TAF2: variants seen among roughly 807,000 people sequenced by gnomAD.
TAF2 encodes the protein TATA-box binding protein associated factor 2.
Under a neutral mutation model 138.5 loss-of-function variants are expected in TAF2, and 61 were observed. The observed-to-expected ratio is 0.44, with a 90% CI of 0.36 to 0.54. The LOEUF (loss-of-function observed/expected upper bound fraction) is 0.54. TAF2 is among the 20% of genes least tolerant of loss of function. TAF2 has a pLI of 0.00. For missense variants in TAF2, 1,090 were observed against 1,427.9 expected (o/e 0.76, Z 3.81); for synonymous variants, 475 against 469.9 (o/e 1.01, Z -0.14).
chr8:119,809,716 AG>A (rs1229506099), intron 3 of TAF2, among the ~76,000 whole-genome samples: 1 of 152,232 alleles, frequency 6.6e-6, no homozygotes, highest in Non-Finnish European at 1.5e-5. Flanking sequence ...GGACAGAGAC[AG>A]GGAACAGCTG....
At chr8:119,808,907 C>G (rs1029751377) in intron 3 of TAF2, among the ~76,000 whole-genome samples, 3 of 152,154 alleles carry the variant, frequency 2.0e-5, no homozygotes, top group African/African-American at 7.2e-5. Flanking sequence ...TTACAGAGAA[C>G]AGGAAGAATA....
At chr8:119,788,534 G>A (rs1207591863) in intron 13 of TAF2, 87 bp from the exon 14 acceptor site, 14 of 920,316 alleles carry the variant, frequency 1.5e-5, no homozygotes, top group East Asian at 7.5e-5. Flanking sequence ...TATAAATCAA[G>A]ATATAAAATA....
At position 119,744,392 on chromosome 8, in the gene TAF2, A is replaced by G; in HGVS notation, c.3110T>C (p.Phe1037Ser). ...CTCCTCCTCATCTTGAGAACTGGAAAACTAAAACACACACACATAAAACAG... is the reference window on the plus strand; with the variant it reads ...CTCCTCCTCATCTTGAGAACTGGAAGACTAAAACACACACACATAAAACAG... ...HPQLVGFQNPFSSSQDEEEID... is the reference protein window; with the variant it reads ...HPQLVGFQNPSSSSQDEEEID... Residue 1037 changes from phenylalanine to serine, a missense_variant and splice_region_variant, in exon 24 of 26, where the codon TTT becomes TCT. This residue lies in a region of TAF2 where 580 missense variants were observed against 719.6 expected (regional missense o/e 0.81). Transcript: ENST00000378164. The G allele has an allele frequency of 6.2e-7, 1 of 1,611,774 alleles. No individual in the cohort carries two copies. Among genetic ancestry groups the G allele is most frequent in the Non-Finnish European group, 8.5e-7 (1 of 1,178,512 alleles).
chr8:119,826,524 C>A (rs887069252), intron 2 of TAF2, among the ~76,000 whole-genome samples: 3 of 151,784 alleles, frequency 2.0e-5, no homozygotes, highest in African/African-American at 7.3e-5. Context: ...CACTTATGAC[C>A]AAGATTACTT....
intron 22 of TAF2, among the ~76,000 whole-genome samples, chr8:119,748,312 A>G (rs868782781): frequency 6.6e-6 from 1 of 151,966 alleles, no homozygotes; most frequent in Non-Finnish European, 1.5e-5. Context: ...ATATAAGTAA[A>G]TAAATTATCA....
chr8:119,795,566 A>C lies in TAF2; in HGVS notation c.1157T>G (p.Phe386Cys). ...YIYGLWMKKT[F>C]GVNEYRHWIK... is the part of the protein sequence containing the mutation. ...CCAATGGCGGTACTCATTAACACCA[A>C]AAGTTTTTTTCATCCAAAGTCCATA... Residue 386 changes from phenylalanine to cysteine, a missense_variant, in exon 9 of 26, where the codon TTT becomes TGT. Physicochemically the swap from Phe to Cys is radical, Grantham distance 205. Transcript: ENST00000378164. 1 of 1,613,820 alleles carries C rather than the reference A, an allele frequency of 6.2e-7. No homozygotes were observed. Among genetic ancestry groups the C allele is most frequent in the Non-Finnish European group, 8.5e-7 (1 of 1,179,806 alleles).
At position 119,791,414 on chromosome 8, in the gene TAF2, C is replaced by T. The variant is rs11996390; in HGVS notation, c.1323G>A (p.Leu441=). The T allele has an allele frequency of 0.22, 357,842 of 1,612,600 alleles. 41,821 individuals carry two copies. Among genetic ancestry groups the T allele is most frequent in the Middle Eastern group, 0.32 (1,939 of 6,048 alleles). Residue 441 remains leucine (L), a synonymous_variant, in exon 11 of 26, where the codon CTG becomes CTA. Coordinates refer to ENST00000378164, the MANE Select transcript of TAF2 (RefSeq NM_003184.4). ...LHFSIKHPHT[L]SWEYYSMFQC... ...GAAACATACTGTAGTATTCCCAGGA[C>T]AGTGTATGTGGATGCTTTATTGAAA...
chr8:119,795,478 T>C, intron 9 of TAF2, 54 bp downstream of exon 9: 1 of 1,455,758 alleles, frequency 6.9e-7, no homozygotes, highest in South Asian at 1.1e-5. Context: ...TTACAGTCAT[T>C]AAAAATGGAG....
rs912730016 is a variant in TAF2 at position 119,783,316 on chromosome 8, T to C, written c.2112+65A>G. 7.0e-6 allele frequency: 11 copies of C among 1,563,204 alleles called. No individual in the cohort carries two copies. The Admixed American group carries it at 1.1e-4, about 16-fold the overall frequency. ...AATTTAAAGACTAGGTGAATTTTAA[T>C]TCATTTTCAGAGATACAAAAAATAT... On this transcript the variant is annotated intron_variant, in intron 16 of 25. Transcript: ENST00000378164.
chr8:119,802,458 C>T (rs1824331367), intron 5 of TAF2, among the ~76,000 whole-genome samples: 2 of 152,040 alleles, frequency 1.3e-5, no homozygotes, highest in Non-Finnish European at 2.9e-5. Flanking sequence ...GAGTATGTAA[C>T]GTATTGTATA....
At chr8:119,826,959 A>G (rs1826141558) in intron 2 of TAF2, among the ~76,000 whole-genome samples, 1 of 152,040 alleles carries the variant, frequency 6.6e-6, no homozygotes, top group African/African-American at 2.4e-5. Flanking sequence ...TTGGAAAGCC[A>G]AAGTAGGGTG....
At chr8:119,733,026 G>A (rs959692888) in intron 25 of TAF2, among the ~76,000 whole-genome samples, 3 of 152,010 alleles carry the variant, frequency 2.0e-5, no homozygotes, top group African/African-American at 7.2e-5. Context: ...TGCAAAACCT[G>A]CATATAGATA....
intron 3 of TAF2, among the ~76,000 whole-genome samples, chr8:119,807,540 C>T (rs1824746012): frequency 6.6e-6 from 1 of 152,218 alleles, no homozygotes; most frequent in Admixed American, 6.5e-5. Flanking sequence ...CCTCGTTGTA[C>T]ACCTTTATGT....
At chr8:119,734,039 C>T (rs572022331) in intron 25 of TAF2, among the ~76,000 whole-genome samples, 139 of 152,248 alleles carry the variant, frequency 9.1e-4, no homozygotes, top group African/African-American at 3.2e-3. Context: ...TGACATCCTA[C>T]GAGTAGAGGC....
At chr8:119,795,746 G>T (rs1823780516) in intron 8 of TAF2, 115 bp from the exon 9 acceptor site, 23 of 976,162 alleles carry the variant, frequency 2.4e-5, no homozygotes, top group Admixed American at 4.1e-5. Context: ...TAAAGAAAAT[G>T]AAAATTATTA....
intron 25 of TAF2, among the ~76,000 whole-genome samples, chr8:119,741,451 G>A (rs1035534507): frequency 6.6e-6 from 1 of 152,052 alleles, no homozygotes; most frequent in African/African-American, 2.4e-5. Flanking sequence ...AAAAAATCAG[G>A]AAGGGCCAAG....
intron 18 of TAF2, among the ~76,000 whole-genome samples, chr8:119,774,480 T>C (rs1487403784): frequency 7.6e-5 from 1 of 13,164 alleles, no homozygotes; most frequent in Non-Finnish European, 1.6e-4. Flanking sequence ...ATATTGTGAT[T>C]TTTTTTTGCA....
chr8:119,761,990 C>A (rs1821096253), intron 19 of TAF2, among the ~76,000 whole-genome samples: 1 of 151,930 alleles, frequency 6.6e-6, no homozygotes. Flanking sequence ...CAACTTTTAG[C>A]AAACTCTTAA....
At chr8:119,763,992 T>C (rs1170945453) in intron 18 of TAF2, among the ~76,000 whole-genome samples, 2 of 151,660 alleles carry the variant, frequency 1.3e-5, no homozygotes, top group Non-Finnish European at 2.9e-5. Flanking sequence ...CTACTAAAAA[T>C]ACAAAAATTA....
Sources: allele counts gnomAD v4.1 joint callset (sites outside exome capture counted in the v4.1 genomes callset), GRCh38; gene constraint gnomAD v4.1.1; regional missense constraint gnomAD v4.1.1; transcripts MANE v1.5; gene names NCBI Gene and HGNC (gene_info 2026-07-23, HGNC 2026-07-21).